Variants in RAPGEF6 observed in about 807,000 individuals in gnomAD.
RAPGEF6 encodes the protein Rap guanine nucleotide exchange factor 6.
RAPGEF6 carries 56 observed loss-of-function variants against 171.4 expected under a neutral mutation model. The ratio of observed to expected loss-of-function variants is 0.33; its 90% CI spans 0.26 to 0.41. The LOEUF (loss-of-function observed/expected upper bound fraction) is 0.41, where lower values mean the gene tolerates loss of function less well. Among genes scored for constraint, RAPGEF6 ranks in the 10% least tolerant of loss-of-function variants. The pLI is 1.00. For synonymous variants in RAPGEF6, 692 were observed against 650.1 expected (o/e 1.06, Z -0.98); for missense variants, 1,674 against 1,921.4 (o/e 0.87, Z 2.41).
intron 7 of RAPGEF6, among the ~76,000 whole-genome samples, chr5:131,518,024 T>C (rs1334537871): frequency 6.6e-6 from 1 of 152,130 alleles, no homozygotes; most frequent in African/African-American, 2.4e-5. Flanking sequence ...ATAAAAATGT[T>C]CGTTTAAGAA....
At chr5:131,479,131 C>G (rs1755298115) in intron 16 of RAPGEF6, among the ~76,000 whole-genome samples, 1 of 149,062 alleles carries the variant, frequency 6.7e-6, no homozygotes. Context: ...CTTTAGAATT[C>G]AAGAAGGAAT....
intron 3 of RAPGEF6, among the ~76,000 whole-genome samples, chr5:131,594,089 G>C (rs1266831210): frequency 6.6e-6 from 1 of 152,180 alleles, no homozygotes; most frequent in Non-Finnish European, 1.5e-5. Flanking sequence ...CAGGCCCAGA[G>C]GCCAACCAAA....
chr5:131,594,519 A>G (rs1428824989), intron 3 of RAPGEF6, among the ~76,000 whole-genome samples: 1 of 152,224 alleles, frequency 6.6e-6, no homozygotes, highest in African/African-American at 2.4e-5. Flanking sequence ...GCCCCCACAC[A>G]GAGTCCCCAC....
At chr5:131,445,338 A>G (rs1284721831) in intron 22 of RAPGEF6, among the ~76,000 whole-genome samples, 3 of 152,144 alleles carry the variant, frequency 2.0e-5, no homozygotes, top group Admixed American at 6.5e-5. Flanking sequence ...CCTGTTTTCT[A>G]TTCTTTCTTT....
At chr5:131,510,539 A>G (rs377288999) in intron 7 of RAPGEF6, 48 bp from the exon 8 acceptor site, 38 of 1,564,338 alleles carry the variant, frequency 2.4e-5, no homozygotes, top group Non-Finnish European at 3.0e-5. Context: ...AAAAAATATT[A>G]TAAGTCACAG....
intron 4 of RAPGEF6, among the ~76,000 whole-genome samples, chr5:131,568,673 G>C (rs1254917900): frequency 6.6e-6 from 1 of 152,022 alleles, no homozygotes; most frequent in Non-Finnish European, 1.5e-5. Context: ...TATGCTTCAG[G>C]AACAAGCAAA....
intron 1 of RAPGEF6, among the ~76,000 whole-genome samples, chr5:131,613,516 C>T (rs1428027828): frequency 2.0e-5 from 3 of 151,838 alleles, no homozygotes; most frequent in Non-Finnish European, 4.4e-5. Flanking sequence ...CAATAAAGGG[C>T]CAAATAGTAA....
chr5:131,584,528 C>T (rs900870252), intron 4 of RAPGEF6, among the ~76,000 whole-genome samples: 2 of 152,194 alleles, frequency 1.3e-5, no homozygotes, highest in Non-Finnish European at 2.9e-5. Context: ...GGATGAGGAG[C>T]TGAATTCTGC....
intron 11 of RAPGEF6, 107 bp downstream of exon 11, chr5:131,504,519 A>G: frequency 8.5e-7 from 1 of 1,179,738 alleles, no homozygotes; most frequent in Non-Finnish European, 1.2e-6. Context: ...TAGATGCCAA[A>G]GTGTTAATGA....
chr5:131,479,877 C>T (rs1436599032), intron 15 of RAPGEF6, 124 bp from the exon 16 acceptor site: 8 of 977,334 alleles, frequency 8.2e-6, no homozygotes, highest in Non-Finnish European at 1.2e-5. Flanking sequence ...TCTCATTCAA[C>T]TAAACACTGT....
intron 5 of RAPGEF6, among the ~76,000 whole-genome samples, chr5:131,560,306 A>C (rs879567580): frequency 4.6e-5 from 7 of 152,190 alleles, no homozygotes; most frequent in Non-Finnish European, 1.0e-4. Context: ...AAACTCAGGG[A>C]ATTTGATATT....
At chr5:131,463,373 G>GT (rs1754076109) in intron 18 of RAPGEF6, among the ~76,000 whole-genome samples, 2 of 152,120 alleles carry the variant, frequency 1.3e-5, no homozygotes, top group Admixed American at 6.6e-5. Context: ...GAGGTAAGGA[G>GT]TTTGAGACCA....
intron 20 of RAPGEF6, among the ~76,000 whole-genome samples, chr5:131,455,597 T>C (rs1753432675): frequency 6.6e-6 from 1 of 152,188 alleles, no homozygotes; most frequent in Non-Finnish European, 1.5e-5. Flanking sequence ...CCTTGCATTA[T>C]CTGACACAGA....
intron 5 of RAPGEF6, among the ~76,000 whole-genome samples, chr5:131,560,461 A>C (rs1761528366): frequency 6.6e-6 from 1 of 152,268 alleles, no homozygotes; most frequent in Admixed American, 6.5e-5. Flanking sequence ...AGAATGTATA[A>C]CACTGAAGTA....
At chr5:131,587,339 T>C (rs954001426) in intron 4 of RAPGEF6, among the ~76,000 whole-genome samples, 1 of 152,140 alleles carries the variant, frequency 6.6e-6, no homozygotes, top group African/African-American at 2.4e-5. Flanking sequence ...GGTATACATA[T>C]CCACAGGCCA....
chr5:131,559,245 C>T (rs1761437711), intron 5 of RAPGEF6, among the ~76,000 whole-genome samples: 2 of 152,104 alleles, frequency 1.3e-5, no homozygotes, highest in African/African-American at 4.8e-5. Flanking sequence ...AGGAGAATCA[C>T]TTAAGTCTGG....
intron 22 of RAPGEF6, among the ~76,000 whole-genome samples, chr5:131,445,390 TATCA>T (rs1187255188): frequency 2.0e-5 from 3 of 152,168 alleles, no homozygotes; most frequent in African/African-American, 7.2e-5. Flanking sequence ...CCATATCATT[TATCA>T]ATCTTAGGGT....
intron 7 of RAPGEF6, among the ~76,000 whole-genome samples, chr5:131,514,067 T>C (rs1757919200): frequency 6.6e-6 from 1 of 152,102 alleles, no homozygotes; most frequent in African/African-American, 2.4e-5. Context: ...CACAACTACC[T>C]TTCTTATACC....
chr5:131,547,200 C>T (rs1198150307), intron 6 of RAPGEF6, among the ~76,000 whole-genome samples: 1 of 152,206 alleles, frequency 6.6e-6, no homozygotes, highest in African/African-American at 2.4e-5. Context: ...TTACTCCTAA[C>T]ACCTAACATG....
Sources: allele counts gnomAD v4.1 joint callset (sites outside exome capture counted in the v4.1 genomes callset), GRCh38; gene constraint gnomAD v4.1.1; transcripts MANE v1.5; gene names NCBI Gene and HGNC (gene_info 2026-07-23, HGNC 2026-07-21).